Variants in SHC4 observed in about 807,000 individuals in gnomAD.
SHC4 encodes SHC-transforming protein 4.
In SHC4, 41 loss-of-function variants were observed where a neutral mutation model predicts 69.4. That is an observed-to-expected ratio of 0.59 (90% CI 0.46 to 0.77). SHC4 has a LOEUF of 0.77. SHC4 is among the 30% of genes least tolerant of loss of function. SHC4 has a pLI of 0.00. For missense variants in SHC4, 777 were observed against 783.8 expected (o/e 0.99, Z 0.10); for synonymous variants, 318 against 299.3 (o/e 1.06, Z -0.64).
chr15:48,888,454 G>C (rs1236603276), intron 3 of SHC4, among the ~76,000 whole-genome samples: 1 of 152,178 alleles, frequency 6.6e-6, no homozygotes, highest in Non-Finnish European at 1.5e-5. Flanking sequence ...GTTGCCAGGG[G>C]CCGGGGCGAT....
At chr15:48,944,670 G>T (rs1236050682) in intron 1 of SHC4, among the ~76,000 whole-genome samples, 1 of 152,160 alleles carries the variant, frequency 6.6e-6, no homozygotes, top group Non-Finnish European at 1.5e-5. Context: ...TTTGAGTTTT[G>T]TAGTGATATA....
intron 6 of SHC4, among the ~76,000 whole-genome samples, chr15:48,864,016 T>C (rs951302976): frequency 8.5e-5 from 13 of 152,222 alleles, no homozygotes; most frequent in Admixed American, 3.9e-4. Flanking sequence ...GCCTGGCACA[T>C]AGTAAGCATG....
chr15:48,932,286 G>T (rs74012198), intron 1 of SHC4, among the ~76,000 whole-genome samples: 5,984 of 152,154 alleles, frequency 0.039, 393 homozygotes, highest in African/African-American at 0.14. Context: ...TTACAAATCA[G>T]ATTTTAAAAA....
chr15:48,868,002 T>C (rs993381710), intron 5 of SHC4, 133 bp from the exon 6 acceptor site: 1 of 683,000 alleles, frequency 1.5e-6, no homozygotes, highest in Non-Finnish European at 2.5e-6. Context: ...AAGAAAAGCA[T>C]TGTAAAAGGG....
chr15:48,863,461 T>C (rs1388032155), intron 6 of SHC4, among the ~76,000 whole-genome samples: 1 of 103,318 alleles, frequency 9.7e-6, no homozygotes, highest in Non-Finnish European at 1.9e-5. Flanking sequence ...GTTTATTTAA[T>C]TTGCTACTTA....
At chr15:48,881,505 T>C (rs894692600) in intron 4 of SHC4, among the ~76,000 whole-genome samples, 7 of 152,198 alleles carry the variant, frequency 4.6e-5, no homozygotes, top group African/African-American at 1.2e-4. Context: ...TGCACCATTG[T>C]TTTTTCTTGT....
chr15:48,831,958 T>C (rs983725543), intron 11 of SHC4, among the ~76,000 whole-genome samples: 1 of 152,228 alleles, frequency 6.6e-6, no homozygotes, highest in Admixed American at 6.5e-5. Context: ...AGAAAGTCTA[T>C]ATTTCTCTTT....
chr15:48,865,883 A>C (rs961644793), intron 6 of SHC4, among the ~76,000 whole-genome samples: 6 of 152,202 alleles, frequency 3.9e-5, no homozygotes, highest in African/African-American at 7.2e-5. Context: ...AATGTGCTGC[A>C]TCATAATTTT....
intron 2 of SHC4, among the ~76,000 whole-genome samples, chr15:48,903,619 A>G (rs560044063): frequency 6.6e-6 from 1 of 152,296 alleles, no homozygotes; most frequent in South Asian, 2.1e-4. Context: ...AAATCACTGG[A>G]TAGGCTTCCC....
intron 6 of SHC4, among the ~76,000 whole-genome samples, chr15:48,864,436 CTTTTTTTTTTTT>C (rs35549079): frequency 7.3e-5 from 4 of 55,060 alleles, no homozygotes; most frequent in Non-Finnish European, 1.3e-4. Context: ...ATACCACTTT[CTTTTTTTTTTTT>C]TTTTTTTTTT....
intron 2 of SHC4, among the ~76,000 whole-genome samples, chr15:48,905,793 A>G (rs1900396029): frequency 1.3e-5 from 2 of 152,368 alleles, no homozygotes; most frequent in Admixed American, 6.5e-5. Context: ...GGACAGATAT[A>G]TAACTATTCT....
chr15:48,953,758 C>T (rs1169746097), intron 1 of SHC4, among the ~76,000 whole-genome samples: 8 of 152,258 alleles, frequency 5.3e-5, no homozygotes, highest in Non-Finnish European at 7.4e-5. Flanking sequence ...TCATTTAGCC[C>T]GAGTGCTCCT....
At chr15:48,830,407 G>A (rs1898775309) in intron 11 of SHC4, among the ~76,000 whole-genome samples, 1 of 152,044 alleles carries the variant, frequency 6.6e-6, no homozygotes, top group South Asian at 2.1e-4. Context: ...TAGTTACATA[G>A]TTATTGTTGC....
At chr15:48,951,761 C>T (rs906282851) in intron 1 of SHC4, among the ~76,000 whole-genome samples, 1 of 152,184 alleles carries the variant, frequency 6.6e-6, no homozygotes, top group African/African-American at 2.4e-5. Context: ...GAAACTTTCT[C>T]TAATTATCTC....
chr15:48,954,554 T>C (rs1901411963), intron 1 of SHC4, among the ~76,000 whole-genome samples: 1 of 152,248 alleles, frequency 6.6e-6, no homozygotes, highest in African/African-American at 2.4e-5. Context: ...AAAATGCAGA[T>C]GCTTTTCGCT....
intron 9 of SHC4, among the ~76,000 whole-genome samples, chr15:48,850,872 G>C (rs780470419): frequency 1.1e-4 from 17 of 152,130 alleles, no homozygotes; most frequent in Admixed American, 8.5e-4. Flanking sequence ...CTTTGAAGTG[G>C]AACTCCCTTG....
rs75575513 is a variant in SHC4 at position 48,936,289 on chromosome 15, G to C, written c.586-11340C>G. ...CAACCAGGAAATTTCAACCCTGTAAGTCATTAGTCATTATAACGATGGAAC... is the reference window on the plus strand; with the variant it reads ...CAACCAGGAAATTTCAACCCTGTAACTCATTAGTCATTATAACGATGGAAC... On this transcript the variant is annotated intron_variant, in intron 1 of 11. Transcript: ENST00000332408. Among the ~76,000 whole-genome samples, 837 of 152,300 alleles carry C rather than the reference G, an allele frequency of 5.5e-3. 17 individuals carry two copies. Among genetic ancestry groups the C allele is most frequent in the African/African-American group, 0.019 (802 of 41,568 alleles).
chr15:48,919,466 T>A (rs921009454), intron 2 of SHC4, among the ~76,000 whole-genome samples: 1 of 151,354 alleles, frequency 6.6e-6, no homozygotes, highest in African/African-American at 2.4e-5. Context: ...ATGCTTTATT[T>A]TTGGTAGAGA....
intron 4 of SHC4, among the ~76,000 whole-genome samples, chr15:48,876,357 C>T (rs745591318): frequency 6.6e-6 from 1 of 152,056 alleles, no homozygotes; most frequent in Non-Finnish European, 1.5e-5. Flanking sequence ...TGCATGATCA[C>T]CTATCTCAGC....
Sources: gnomAD v4.1 joint callset for allele counts (sites outside exome capture counted in the v4.1 genomes callset) on GRCh38, gnomAD v4.1.1 for gene constraint, MANE v1.5 for transcripts, NCBI Gene and HGNC (gene_info 2026-07-23, HGNC 2026-07-21) for gene names.